Variants in PPP2R2C observed in about 807,000 individuals in gnomAD.
PPP2R2C encodes the protein protein phosphatase 2, regulatory subunit B, gamma.
Under a neutral mutation model 45.3 loss-of-function variants are expected in PPP2R2C, and 10 were observed. The observed-to-expected ratio is 0.22, with a 90% CI of 0.14 to 0.37. The LOEUF is 0.37. Ranked by LOEUF, PPP2R2C falls within the 10% of genes least tolerant of loss-of-function variation. The pLI is 1.00. For missense variants in PPP2R2C, 308 were observed against 619.7 expected (o/e 0.50, Z 5.34); for synonymous variants, 257 against 245.4 (o/e 1.05, Z -0.44).
chr4:6,479,935 T>C (rs1722292133), intron 2 of PPP2R2C, among the ~76,000 whole-genome samples: 1 of 152,124 alleles, frequency 6.6e-6, no homozygotes, highest in South Asian at 2.1e-4. Context: ...CGTCTCTAAT[T>C]CCTGGACTCA....
chr4:6,351,787 G>A (rs190212931), intron 5 of PPP2R2C, among the ~76,000 whole-genome samples: 1 of 152,234 alleles, frequency 6.6e-6, no homozygotes, highest in Non-Finnish European at 1.5e-5. Context: ...GCCGTGCCCA[G>A]AACCTCTGGG....
chr4:6,324,688 G>A lies in PPP2R2C; in HGVS notation c.1053-1095C>T, dbSNP rs149370887. On this transcript the variant is annotated intron_variant, in intron 8 of 8. Coordinates refer to ENST00000382599, the MANE Select transcript of PPP2R2C (RefSeq NM_020416.4). The surrounding 1 kb of genome is among the most constrained non-coding windows in gnomAD (Gnocchi z 4.1). ...CGTGCAGGGGCTCGCTGCCCTCACC[G>A]TCCCGCTAAAGAGAATTCCACACCA... Among the ~76,000 whole-genome samples, 111 of 152,316 alleles carry A rather than the reference G, an allele frequency of 7.3e-4. No homozygotes were observed. The highest frequency in any genetic ancestry group is 2.5e-3 in the African/African-American group (105 of 41,574).
At chr4:6,507,166 G>T (rs1428317967) in intron 2 of PPP2R2C, among the ~76,000 whole-genome samples, 2 of 152,366 alleles carry the variant, frequency 1.3e-5, no homozygotes, top group East Asian at 1.9e-4. Context: ...TGTTAAGTTT[G>T]CAATGCCTGG....
In PPP2R2C at chr4:6,471,991, C is replaced by G. The variant is rs573993866; in HGVS notation, c.70+169G>C. ...CTCGGGCTCCCTCCCTCCTGGGCCC[C>G]GGGCAGGGTGGGATGGGATGGGGTG... On this transcript the variant is annotated intron_variant, in intron 1 of 8. Transcript: ENST00000382599. The surrounding 1 kb of genome is among the most constrained non-coding windows in gnomAD (Gnocchi z 5.6). 1.0e-3 allele frequency among the ~76,000 whole-genome samples: 59 copies of G among 58,976 alleles called. No homozygotes were observed. In the East Asian group the frequency reaches 0.016, roughly 16 times the overall value. 38.7% of individuals were successfully genotyped at this position (58,976 alleles called of 152,430 possible).
chr4:6,413,053 G>A (rs1405286716), intron 1 of PPP2R2C, among the ~76,000 whole-genome samples: 1 of 152,122 alleles, frequency 6.6e-6, no homozygotes, highest in Admixed American at 6.5e-5. Context: ...GACTAAGATA[G>A]ACTCTAACAG....
At chr4:6,336,191 G>A (rs1029290759) in intron 6 of PPP2R2C, among the ~76,000 whole-genome samples, 2 of 152,100 alleles carry the variant, frequency 1.3e-5, no homozygotes, top group Admixed American at 1.3e-4. Flanking sequence ...CCCTTTCCAG[G>A]AGCCCAACCC....
chr4:6,352,663 G>A (rs534261026), intron 5 of PPP2R2C, among the ~76,000 whole-genome samples: 2 of 152,306 alleles, frequency 1.3e-5, no homozygotes, highest in African/African-American at 4.8e-5. Context: ...TATGCAGAGA[G>A]GATGAAAAGG....
chr4:6,351,282 C>T, intron 5 of PPP2R2C: 10 of 773,870 alleles, frequency 1.3e-5, no homozygotes, highest in Non-Finnish European at 1.3e-5. Flanking sequence ...CACTGCACTC[C>T]AGACTGGGTG....
chr4:6,396,081 C>T (rs1325772827), intron 1 of PPP2R2C, among the ~76,000 whole-genome samples: 2 of 152,220 alleles, frequency 1.3e-5, no homozygotes, highest in Non-Finnish European at 2.9e-5. Flanking sequence ...TGCGAACCCT[C>T]GCGGCAGCCC....
intron 6 of PPP2R2C, among the ~76,000 whole-genome samples, chr4:6,337,585 C>A (rs1296858747): frequency 6.6e-6 from 1 of 152,080 alleles, no homozygotes; most frequent in African/African-American, 2.4e-5. Context: ...AGACCAGACT[C>A]CCCCAGACCT....
Position 6,350,482 on chromosome 4 carries a change from C to T in PPP2R2C, c.626-2472G>A, listed in dbSNP as rs367712173. ...TGAGACACACAAAAGCCACAGGAGGCTTGGTGGCAACAGAAGCGCCCAGGA... is the reference window on the plus strand; with the variant it reads ...TGAGACACACAAAAGCCACAGGAGGTTTGGTGGCAACAGAAGCGCCCAGGA... On this transcript the variant is annotated intron_variant, in intron 5 of 8. Transcript: ENST00000382599. 11 of 985,444 alleles carry T rather than the reference C, an allele frequency of 1.1e-5. No homozygotes were observed. The African/African-American group carries it at 1.7e-4, about 16-fold the overall frequency. The allele number at this position is 985,444 out of a possible 1,614,324, so 61.0% of individuals were successfully genotyped here.
intron 6 of PPP2R2C, 68 bp from the exon 7 acceptor site, chr4:6,333,799 ACT>A (rs760912956): frequency 2.2e-5 from 35 of 1,562,352 alleles, no homozygotes; most frequent in Non-Finnish European, 2.5e-5. Context: ...ACGACGGATG[ACT>A]CTGTTTTGCA....
chr4:6,369,697 C>T (rs906978978), intron 5 of PPP2R2C, among the ~76,000 whole-genome samples: 1 of 152,316 alleles, frequency 6.6e-6, no homozygotes, highest in South Asian at 2.1e-4. Context: ...CAGGCAGCCT[C>T]CTCGAGCCCA....
chr4:6,482,192 C>T (rs560282956), intron 2 of PPP2R2C, among the ~76,000 whole-genome samples: 2 of 152,096 alleles, frequency 1.3e-5, no homozygotes, highest in African/African-American at 4.8e-5. Flanking sequence ...CAATAACAAC[C>T]ATTTATATAG....
intron 1 of PPP2R2C, among the ~76,000 whole-genome samples, chr4:6,549,569 G>C (rs888085776): frequency 1.3e-5 from 2 of 152,202 alleles, no homozygotes; most frequent in Admixed American, 1.3e-4. Context: ...TGCAGAGCCA[G>C]ACTGATAACA....
chr4:6,351,639 C>T (rs1712567957), intron 5 of PPP2R2C, among the ~76,000 whole-genome samples: 1 of 152,144 alleles, frequency 6.6e-6, no homozygotes. Flanking sequence ...ACACAGAGGC[C>T]CTGCATCCAC....
At chr4:6,505,500 A>C (rs529657541) in intron 2 of PPP2R2C, among the ~76,000 whole-genome samples, 3 of 152,384 alleles carry the variant, frequency 2.0e-5, no homozygotes, top group African/African-American at 7.2e-5. Flanking sequence ...ATGAAGGAGG[A>C]AGTACAGGTA....
intron 1 of PPP2R2C, among the ~76,000 whole-genome samples, chr4:6,545,481 T>C (rs1395415644): frequency 6.6e-6 from 1 of 152,172 alleles, no homozygotes; most frequent in Admixed American, 6.5e-5. Context: ...GCCAGGCATG[T>C]TTCTTTTACA....
chr4:6,419,555 G>A (rs73798245), intron 1 of PPP2R2C, among the ~76,000 whole-genome samples: 2,346 of 152,240 alleles, frequency 0.015, 59 homozygotes, highest in African/African-American at 0.053. Context: ...CTTGCTCTGA[G>A]CCCACACCTC....
Sources: gnomAD v4.1 joint callset for allele counts (sites outside exome capture counted in the v4.1 genomes callset) on GRCh38, gnomAD v4.1.1 for gene constraint, Gnocchi (gnomAD v3.1) non-coding constraint, MANE v1.5 for transcripts, NCBI Gene and HGNC (gene_info 2026-07-23, HGNC 2026-07-21) for gene names.